The following MAP3K20 variants were observed in gnomAD, a reference collection of about 807,000 sequenced individuals.
MAP3K20 encodes HCCS-4.
MAP3K20 carries 40 observed loss-of-function variants against 85.7 expected under a neutral mutation model. That is an observed-to-expected ratio of 0.47 (90% confidence interval 0.36 to 0.61). The LOEUF (loss-of-function observed/expected upper bound fraction) is 0.61, where lower values mean the gene tolerates loss of function less well. Ranked by LOEUF, MAP3K20 falls within the 20% of genes least tolerant of loss-of-function variation. MAP3K20 has a pLI of 0.00. For missense variants in MAP3K20, 817 were observed against 961.7 expected (o/e 0.85, Z 1.99); for synonymous variants, 325 against 327.7 (o/e 0.99, Z 0.09).
At chr2:173,257,056 T>TG (rs898292308) in intron 16 of MAP3K20, among the ~76,000 whole-genome samples, 3 of 152,028 alleles carry the variant, frequency 2.0e-5, no homozygotes, top group African/African-American at 7.2e-5. Context: ...CCCAGCTACT[T>TG]AGGAGCCTGA....
chr2:173,161,409 C>T (rs537082407), intron 2 of MAP3K20, among the ~76,000 whole-genome samples: 1 of 152,296 alleles, frequency 6.6e-6, no homozygotes, highest in African/African-American at 2.4e-5. Flanking sequence ...TCATACCTCC[C>T]GGCATTTTAC....
At chr2:173,079,976 A>G (rs140235377) in intron 1 of MAP3K20, among the ~76,000 whole-genome samples, 1,833 of 152,228 alleles carry the variant, frequency 0.012, 23 homozygotes, top group Middle Eastern at 0.024. Context: ...CACAGTCATT[A>G]TCCTTATCAA....
intron 2 of MAP3K20, among the ~76,000 whole-genome samples, chr2:173,127,018 T>A (rs1688464892): frequency 6.6e-6 from 1 of 152,204 alleles, no homozygotes; most frequent in East Asian, 1.9e-4. Flanking sequence ...GGTATTGTGG[T>A]TTTCTTCAAA....
intron 2 of MAP3K20, among the ~76,000 whole-genome samples, chr2:173,148,701 T>C (rs1461994485): frequency 6.6e-6 from 1 of 152,196 alleles, no homozygotes; most frequent in Non-Finnish European, 1.5e-5. Flanking sequence ...GGTGTGCAGA[T>C]TGTTTAACAG....
At chr2:173,117,454 AT>A (rs896316467) in intron 2 of MAP3K20, among the ~76,000 whole-genome samples, 1 of 151,120 alleles carries the variant, frequency 6.6e-6, no homozygotes, top group African/African-American at 2.4e-5. Flanking sequence ...AATTTTACTT[AT>A]TTTTTATTTG....
At chr2:173,228,559 A>G (rs1486600810) in intron 11 of MAP3K20, among the ~76,000 whole-genome samples, 1 of 152,300 alleles carries the variant, frequency 6.6e-6, no homozygotes, top group East Asian at 1.9e-4. Flanking sequence ...AAAATGACTC[A>G]ACAAAAATTT....
Position 173,261,996 on chromosome 2 carries a change from G to A in MAP3K20, c.1551+859G>A, listed in dbSNP as rs895520191. On this transcript the variant is annotated intron_variant, in intron 18 of 19. Transcript: ENST00000375213. ...CACACCACTGCACTCCAGCCTGGGT[G>A]AGACAGTGAGACCCCTGTCTCCAGA... Among the ~76,000 whole-genome samples the A allele has an allele frequency of 2.7e-5, 4 of 150,752 alleles. No individual in the cohort carries two copies. The South Asian group carries it at 6.4e-4, about 24-fold the overall frequency.
chr2:173,185,661 A>C (rs1035335132), intron 4 of MAP3K20, among the ~76,000 whole-genome samples: 2 of 152,252 alleles, frequency 1.3e-5, no homozygotes, highest in Non-Finnish European at 2.9e-5. Context: ...TGATTCATGC[A>C]TTTTAAAATA....
At chr2:173,113,488 T>G (rs527775913) in intron 2 of MAP3K20, among the ~76,000 whole-genome samples, 1 of 152,298 alleles carries the variant, frequency 6.6e-6, no homozygotes, top group African/African-American at 2.4e-5. Flanking sequence ...GACCTTAGAA[T>G]GTCAGTTTGT....
At chr2:173,159,804 T>G (rs913534033) in intron 2 of MAP3K20, among the ~76,000 whole-genome samples, 2 of 152,212 alleles carry the variant, frequency 1.3e-5, no homozygotes, top group African/African-American at 4.8e-5. Context: ...ATCTTCACTC[T>G]GTTTCATCCA....
intron 7 of MAP3K20, among the ~76,000 whole-genome samples, chr2:173,194,253 T>G (rs1476505315): frequency 6.6e-6 from 1 of 151,860 alleles, no homozygotes; most frequent in Non-Finnish European, 1.5e-5. Context: ...ACTGTATAGG[T>G]TGATGCAAAA....
chr2:173,226,013 A>G (rs769940312), intron 11 of MAP3K20: 5 of 985,216 alleles, frequency 5.1e-6, no homozygotes, highest in African/African-American at 3.5e-5. Flanking sequence ...ACATTTTACT[A>G]TTTTACATAA....
intron 2 of MAP3K20, among the ~76,000 whole-genome samples, chr2:173,092,910 C>T (rs1381288966): frequency 6.6e-6 from 1 of 152,014 alleles, no homozygotes; most frequent in Non-Finnish European, 1.5e-5. Context: ...TGCTTTCGTG[C>T]AGGTATTTAA....
intron 2 of MAP3K20, among the ~76,000 whole-genome samples, chr2:173,108,760 A>C (rs1408333868): frequency 6.6e-6 from 1 of 152,232 alleles, no homozygotes; most frequent in African/African-American, 2.4e-5. Flanking sequence ...ACTTTTAGGA[A>C]TTTGTTGTAA....
chr2:173,248,767 T>G (rs2106345428), intron 16 of MAP3K20, among the ~76,000 whole-genome samples: 1 of 152,084 alleles, frequency 6.6e-6, no homozygotes, highest in East Asian at 1.9e-4. Context: ...GGATTTGAAG[T>G]TGGGAATGGC....
chr2:173,172,948 C>A (rs1430062269), intron 3 of MAP3K20, among the ~76,000 whole-genome samples: 1 of 152,060 alleles, frequency 6.6e-6, no homozygotes, highest in African/African-American at 2.4e-5. Context: ...CAGGCGTGCG[C>A]CACCATGCCC....
At chr2:173,223,930 A>G in intron 11 of MAP3K20, 1 of 985,474 alleles carries the variant, frequency 1.0e-6, no homozygotes, top group East Asian at 1.1e-4. Flanking sequence ...CCACCTGAAG[A>G]GAGAGCCAAT....
intron 2 of MAP3K20, among the ~76,000 whole-genome samples, chr2:173,152,721 A>T (rs986425264): frequency 1.3e-5 from 2 of 152,212 alleles, no homozygotes; most frequent in African/African-American, 4.8e-5. Flanking sequence ...CTGAGCTGAA[A>T]TAGATACAGC....
At chr2:173,228,432 T>G (rs1277583289) in intron 11 of MAP3K20, among the ~76,000 whole-genome samples, 1 of 152,206 alleles carries the variant, frequency 6.6e-6, no homozygotes, top group Non-Finnish European at 1.5e-5. Flanking sequence ...TTCTCCCATC[T>G]TATTTTATGA....
Sources: allele counts gnomAD v4.1 joint callset (sites outside exome capture counted in the v4.1 genomes callset), GRCh38; gene constraint gnomAD v4.1.1; transcripts MANE v1.5; gene names NCBI Gene and HGNC (gene_info 2026-07-23, HGNC 2026-07-21).